The following UBE2G1 variants were observed in gnomAD, a reference collection of about 807,000 sequenced individuals.
UBE2G1 encodes the protein ubiquitin conjugating enzyme E2 G1, also known as ubiquitin-conjugating enzyme E2 G1.
UBE2G1 carries 5 observed loss-of-function variants against 22.7 expected under a neutral mutation model. The observed-to-expected ratio is 0.22, with a 90% CI of 0.12 to 0.46. The LOEUF (loss-of-function observed/expected upper bound fraction) is 0.46, where lower values mean the gene tolerates loss of function less well. Ranked by LOEUF, UBE2G1 falls within the 20% of genes least tolerant of loss-of-function variation. UBE2G1 has a pLI of 0.99. For missense variants in UBE2G1, 88 were observed against 203.9 expected (o/e 0.43, Z 3.46); for synonymous variants, 74 against 67.5 (o/e 1.10, Z -0.47).
chr17:4,350,617 G>T (rs1051082090), intron 1 of UBE2G1, among the ~76,000 whole-genome samples: 1 of 152,222 alleles, frequency 6.6e-6, no homozygotes, highest in African/African-American at 2.4e-5. Context: ...CAACTTAGAC[G>T]TAATTATTTA....
chr17:4,307,652 C>A (rs1969262802), intron 1 of UBE2G1, among the ~76,000 whole-genome samples: 1 of 152,196 alleles, frequency 6.6e-6, no homozygotes, highest in African/African-American at 2.4e-5. Context: ...GTGTGCCCAT[C>A]CATCTCTGAG....
intron 1 of UBE2G1, among the ~76,000 whole-genome samples, chr17:4,339,157 T>G (rs1174034365): frequency 1.3e-5 from 2 of 152,210 alleles, no homozygotes; most frequent in African/African-American, 4.8e-5. Flanking sequence ...GATCAAGAGA[T>G]TAAACCTGAG....
intron 1 of UBE2G1, among the ~76,000 whole-genome samples, chr17:4,328,621 G>A (rs1366279763): frequency 6.6e-6 from 1 of 152,156 alleles, no homozygotes; most frequent in Non-Finnish European, 1.5e-5. Context: ...AAGTTTATCT[G>A]TGTGAGGTAC....
rs906865076 is a variant in UBE2G1, at chr17:4,365,897, T to C, written c.46+374A>G. 1.6e-4 allele frequency among the ~76,000 whole-genome samples: 24 copies of C among 151,922 alleles called. No homozygotes were observed. In the East Asian group the frequency reaches 4.5e-3, roughly 28 times the overall value. On this transcript the variant is annotated intron_variant, in intron 1 of 5. Transcript: ENST00000396981. Reference sequence around the variant, plus strand: ...CGGACGCTCCAGCCGGCCCCGAAGGTCCGGCGGCCCCGGCAGCACCTGAAC... The same window carrying C: ...CGGACGCTCCAGCCGGCCCCGAAGGCCCGGCGGCCCCGGCAGCACCTGAAC...
At chr17:4,305,790 C>T (rs144976983) in intron 2 of UBE2G1, among the ~76,000 whole-genome samples, 1,783 of 152,312 alleles carry the variant, frequency 0.012, 37 homozygotes, top group African/African-American at 0.041. Flanking sequence ...GATCCACACG[C>T]CTCAGCCTCC....
At position 4,296,719 on chromosome 17, in the gene UBE2G1, T is replaced by C. The variant is rs1176153983; in HGVS notation, c.245A>G (p.Asn82Ser). Residue 82 changes from asparagine (N) to serine (S), a missense_variant and splice_region_variant, in exon 3 of 6, where the codon AAT (asparagine) becomes AGT (serine). Physicochemically the swap from Asn to Ser is conservative, Grantham distance 46. Transcript: ENST00000396981. Reference sequence around the variant, plus strand: ...AAAGTAAAACTAGATAAACTTACCATTTGGGTGCCAGATTTCTGTAATGAA... The same window carrying C: ...AAAGTAAAACTAGATAAACTTACCACTTGGGTGCCAGATTTCTGTAATGAA... ...MKFITEIWHPNVDKNGDVCIS... is the reference protein window; with the variant it reads ...MKFITEIWHPSVDKNGDVCIS... 1 of 1,613,434 alleles carries C rather than the reference T, an allele frequency of 6.2e-7. No homozygotes were observed. Among genetic ancestry groups the C allele is most frequent in the African/African-American group, 1.3e-5 (1 of 74,916 alleles).
intron 1 of UBE2G1, among the ~76,000 whole-genome samples, chr17:4,344,020 G>A (rs564993163): frequency 7.2e-5 from 11 of 152,188 alleles, no homozygotes; most frequent in African/African-American, 2.6e-4. Flanking sequence ...TTAGCCAAAA[G>A]ACAAAAACAG....
intron 1 of UBE2G1, among the ~76,000 whole-genome samples, chr17:4,339,116 G>A (rs918645579): frequency 5.9e-5 from 9 of 152,038 alleles, no homozygotes; most frequent in African/African-American, 2.2e-4. Flanking sequence ...AACAACGAAC[G>A]CTTTTTCTTT....
intron 1 of UBE2G1, among the ~76,000 whole-genome samples, chr17:4,354,191 T>A (rs1402268296): frequency 1.3e-5 from 2 of 152,162 alleles, no homozygotes. Context: ...TGCCATGAAC[T>A]CCTCCTCAAA....
chr17:4,323,840 G>C (rs543894840), intron 1 of UBE2G1, among the ~76,000 whole-genome samples: 15 of 152,328 alleles, frequency 9.8e-5, no homozygotes, highest in African/African-American at 3.6e-4. Flanking sequence ...ACTGCACCTG[G>C]CCAGTAACTA....
chr17:4,325,482 T>C (rs974679024), intron 1 of UBE2G1, among the ~76,000 whole-genome samples: 1 of 152,248 alleles, frequency 6.6e-6, no homozygotes, highest in Non-Finnish European at 1.5e-5. Flanking sequence ...AAGAGACATA[T>C]GCTGGAAAGA....
intron 1 of UBE2G1, among the ~76,000 whole-genome samples, chr17:4,337,341 AAAG>A (rs1470194968): frequency 4.0e-5 from 6 of 150,768 alleles, no homozygotes; most frequent in South Asian, 4.2e-4. Context: ...AAAGAAAAGA[AAAG>A]AAAGAAAGAA....
Position 4,361,420 on chromosome 17 carries a change from C to T in UBE2G1, c.46+4851G>A, listed in dbSNP as rs1175112735. On this transcript the variant is annotated intron_variant, in intron 1 of 5. Transcript: ENST00000396981. Reference sequence around the variant, plus strand: ...CCAGCACCTGTAAGCCCAGCTACTACAGAGACTGAGGCAAGATAATCCCTT... The same window carrying T: ...CCAGCACCTGTAAGCCCAGCTACTATAGAGACTGAGGCAAGATAATCCCTT... Among the ~76,000 whole-genome samples, 5 of 151,976 alleles carry T rather than the reference C, an allele frequency of 3.3e-5. No individual in the cohort carries two copies. In the East Asian group the frequency reaches 9.7e-4, roughly 29 times the overall value.
intron 1 of UBE2G1, among the ~76,000 whole-genome samples, chr17:4,342,123 A>C (rs1567527812): frequency 6.6e-6 from 1 of 152,220 alleles, no homozygotes. Context: ...CAGATCAAAT[A>C]TAGTAAGCTG....
intron 5 of UBE2G1, among the ~76,000 whole-genome samples, chr17:4,279,638 G>A (rs772167009): frequency 2.0e-5 from 3 of 151,648 alleles, no homozygotes; most frequent in Admixed American, 2.0e-4. Context: ...GGCCAGGTGC[G>A]GTGGCTCATG....
At chr17:4,284,975 G>A (rs1323935852) in intron 4 of UBE2G1, among the ~76,000 whole-genome samples, 2 of 151,194 alleles carry the variant, frequency 1.3e-5, no homozygotes, top group African/African-American at 4.9e-5. Flanking sequence ...CCTCCGAAGC[G>A]TCTAGGACAA....
intron 1 of UBE2G1, among the ~76,000 whole-genome samples, chr17:4,353,220 A>AAAC (rs536567849): frequency 6.6e-5 from 10 of 151,948 alleles, no homozygotes; most frequent in East Asian, 3.9e-4. Context: ...TCCATCTCGA[A>AAAC]AACAACAACA....
chr17:4,353,300 A>G (rs969865650), intron 1 of UBE2G1, among the ~76,000 whole-genome samples: 10 of 152,130 alleles, frequency 6.6e-5, no homozygotes, highest in African/African-American at 2.4e-4. Flanking sequence ...AACAAGTGTC[A>G]CTTGCTTAAA....
chr17:4,279,785 TTATATATATATATA>T (rs71144177), intron 5 of UBE2G1, among the ~76,000 whole-genome samples: 840 of 68,868 alleles, frequency 0.012, 53 homozygotes, highest in African/African-American at 0.032. Context: ...CAAAAAAAAG[TTATATATATATATA>T]TATATATATA....
Sources: allele counts gnomAD v4.1 joint callset (sites outside exome capture counted in the v4.1 genomes callset), GRCh38; gene constraint gnomAD v4.1.1; transcripts MANE v1.5; gene names NCBI Gene and HGNC (gene_info 2026-07-23, HGNC 2026-07-21).